OVCH1: variants seen among roughly 807,000 people sequenced by gnomAD.
OVCH1 encodes the protein ovochymase 1.
OVCH1 carries 139 observed loss-of-function variants against 138.4 expected under a neutral mutation model. That is an observed-to-expected ratio of 1.00 (90% CI 0.87 to 1.16). The LOEUF is 1.16. OVCH1 is among the 50% of genes most tolerant of loss of function. The pLI is 0.00. For missense variants in OVCH1, 1,367 were observed against 1,357.9 expected (o/e 1.01, Z -0.11); for synonymous variants, 453 against 467.8 (o/e 0.97, Z 0.41).
chr12:29,439,481 A>G (rs1339363245), intron 25 of OVCH1: 1 of 1,457,416 alleles, frequency 6.9e-7, no homozygotes, highest in Non-Finnish European at 9.0e-7. Context: ...CAAAAAACAA[A>G]AAGCAAAAAA....
intron 8 of OVCH1, among the ~76,000 whole-genome samples, chr12:29,482,755 C>A (rs888961969): frequency 1.3e-5 from 2 of 152,150 alleles, no homozygotes; most frequent in Non-Finnish European, 2.9e-5. Flanking sequence ...TCTAAAATAA[C>A]CCTTCTTCTC....
the OVCH1 span, among the ~76,000 whole-genome samples, chr12:29,406,103 G>A: frequency 6.6e-6 from 1 of 152,090 alleles, no homozygotes; most frequent in African/African-American, 2.4e-5. Flanking sequence ...AGTTTTCACT[G>A]TTATAAAAAC....
chr12:29,411,867 G>T (rs562495684), downstream of OVCH1, among the ~76,000 whole-genome samples: 2 of 104,782 alleles, frequency 1.9e-5, no homozygotes, highest in African/African-American at 5.8e-5. Context: ...GTCTGCAGAG[G>T]TTACTGCTGT....
At chr12:29,418,904 C>CTGAGA (rs1227788642) in intron 3 of OVCH1, among the ~76,000 whole-genome samples, 4 of 152,324 alleles carry the variant, frequency 2.6e-5, no homozygotes, top group African/African-American at 9.6e-5. Flanking sequence ...TATCACCAAT[C>CTGAGA]TGGAGTACAC....
chr12:29,440,848 C>A, intron 25 of OVCH1, 104 bp from the exon 26 acceptor site: 1 of 440,706 alleles, frequency 2.3e-6, no homozygotes, highest in Admixed American at 2.4e-5. Context: ...TTTTTACCCA[C>A]TCTGAGAGGA....
Position 29,485,416 on chromosome 12 carries a change from G to A in OVCH1, c.995+830C>T, listed in dbSNP as rs530678909. On this transcript the variant is annotated intron_variant, in intron 8 of 27. Transcript: ENST00000318184. Reference sequence around the variant, plus strand: ...AGCACTTTGGGAGGCCGAGGCGGGTGGATCATCTGAGGTCAGGAGTTCGAG... The same window carrying A: ...AGCACTTTGGGAGGCCGAGGCGGGTAGATCATCTGAGGTCAGGAGTTCGAG... Among the ~76,000 whole-genome samples, 3 of 151,874 alleles carry A rather than the reference G, an allele frequency of 2.0e-5. No homozygotes were observed. In the South Asian group the frequency reaches 6.3e-4, roughly 32 times the overall value.
At chr12:29,462,885 A>G (rs116924479) in intron 18 of OVCH1, among the ~76,000 whole-genome samples, 1 of 151,702 alleles carries the variant, frequency 6.6e-6, no homozygotes, top group Non-Finnish European at 1.5e-5. Flanking sequence ...ATATACTAAA[A>G]CTCCTCTTCT....
At chr12:29,446,180 A>AT (rs993707395) in intron 22 of OVCH1, among the ~76,000 whole-genome samples, 3 of 151,840 alleles carry the variant, frequency 2.0e-5, no homozygotes, top group Non-Finnish European at 4.4e-5. Context: ...AGAAAATTTT[A>AT]TTTTTTTCAC....
intron 3 of OVCH1, among the ~76,000 whole-genome samples, chr12:29,416,078 C>CA (rs35897065): frequency 0.62 from 90,792 of 145,640 alleles, 28,211 homozygotes; most frequent in Middle Eastern, 0.75. Context: ...ACAAAAAAAG[C>CA]AAAAAAAAAA....
intron 26 of OVCH1, chr12:29,433,820 T>C (rs1164086661): frequency 1.4e-6 from 2 of 1,392,628 alleles, no homozygotes; most frequent in Non-Finnish European, 1.9e-6. Flanking sequence ...CATACTAAAA[T>C]TAAGTAAAAT....
chr12:29,479,190 C>A (rs1453630178), intron 8 of OVCH1, among the ~76,000 whole-genome samples: 1 of 152,142 alleles, frequency 6.6e-6, no homozygotes, highest in Non-Finnish European at 1.5e-5. Context: ...CCAGAAACCA[C>A]CCCTTAAATT....
At chr12:29,450,040 G>C (rs753781842) in intron 22 of OVCH1, among the ~76,000 whole-genome samples, 1 of 152,026 alleles carries the variant, frequency 6.6e-6, no homozygotes, top group African/African-American at 2.4e-5. Context: ...AGACTTAAAC[G>C]TAAGACCTAA....
chr12:29,441,720 C>A (rs1379656234), intron 25 of OVCH1, among the ~76,000 whole-genome samples: 2 of 152,168 alleles, frequency 1.3e-5, no homozygotes, highest in Non-Finnish European at 2.9e-5. Flanking sequence ...GCAACCTACT[C>A]ATCTGACAAA....
intron 26 of OVCH1, among the ~76,000 whole-genome samples, chr12:29,437,930 C>T (rs1008341032): frequency 2.6e-5 from 4 of 152,116 alleles, no homozygotes; most frequent in Admixed American, 2.6e-4. Flanking sequence ...ATTTATTTTA[C>T]AGATTTTAGC....
At chr12:29,411,367 A>G (rs561371845), downstream of OVCH1, among the ~76,000 whole-genome samples, 3 of 151,102 alleles carry the variant, frequency 2.0e-5, no homozygotes, top group South Asian at 4.2e-4. Context: ...CCTTTGGAGG[A>G]GGAGAGGTGC....
At position 29,471,973 on chromosome 12, in the gene OVCH1, CCA is replaced by C; in HGVS notation, c.1683_1684del (p.Cys561TrpfsTer6). 6.2e-7 allele frequency: 1 copy of C among 1,610,310 alleles called. No individual in the cohort carries two copies. ...CCACTGGGGACTAAATGGAGGGATGCCACAGACATCTACAGTAAAGATGAAAC... is the reference window on the plus strand; with the variant it reads ...CCACTGGGGACTAAATGGAGGGATGCCAGACATCTACAGTAAAGATGAAAC... On this transcript the variant is annotated frameshift_variant, in exon 16 of 28. Transcript: ENST00000318184. LOFTEE classifies it high-confidence loss of function.
intron 6 of OVCH1, 69 bp downstream of exon 6, chr12:29,489,551 T>C: frequency 1.4e-6 from 2 of 1,459,854 alleles, no homozygotes; most frequent in East Asian, 2.5e-5. Flanking sequence ...TGAGCTTCTT[T>C]TGGGGAAAGG....
chr12:29,448,575 C>A lies in OVCH1; in HGVS notation c.2755+2770G>T, dbSNP rs111573356. 4.1e-3 allele frequency among the ~76,000 whole-genome samples: 631 copies of A among 152,144 alleles called. 5 individuals carry two copies. The highest frequency in any genetic ancestry group is 0.015 in the African/African-American group (602 of 41,514). On this transcript the variant is annotated intron_variant, in intron 22 of 27. Transcript: ENST00000318184. ...ACCCATGAGCTGATGGAGAGGCAGT[C>A]TTCCAGGGAGTGTGAATTTTATTCT...
chr12:29,465,252 GA>G, intron 16 of OVCH1, 33 bp from the exon 17 acceptor site: 1 of 1,537,176 alleles, frequency 6.5e-7, no homozygotes, highest in South Asian at 1.2e-5. Context: ...AGTTTGACAT[GA>G]AAACACATTT....
Sources: allele counts gnomAD v4.1 joint callset (sites outside exome capture counted in the v4.1 genomes callset), GRCh38; gene constraint gnomAD v4.1.1; transcripts MANE v1.5; gene names NCBI Gene and HGNC (gene_info 2026-07-23, HGNC 2026-07-21).